Variants in CDS2 observed in about 807,000 individuals in gnomAD.
CDS2 encodes the protein CDP-diacylglycerol synthase 2, also known as phosphatidate cytidylyltransferase 2.
Under a neutral mutation model 59.0 loss-of-function variants are expected in CDS2, and 47 were observed. That is an observed-to-expected ratio of 0.80 (90% CI 0.63 to 1.02). The LOEUF (loss-of-function observed/expected upper bound fraction) is 1.02, where lower values mean the gene tolerates loss of function less well. CDS2 is among the 50% of genes least tolerant of loss of function. CDS2 has a pLI of 0.00. For missense variants in CDS2, 356 were observed against 558.9 expected, an observed-to-expected ratio of 0.64 and a Z score of 3.66; for synonymous variants, 207 against 206.4, an observed-to-expected ratio of 1.00 and a Z score of -0.02.
intron 3 of CDS2, chr20:5,175,522 T>A: frequency 2.6e-6 from 1 of 383,974 alleles, no homozygotes; most frequent in Non-Finnish European, 4.8e-6. Flanking sequence ...AAACTGACTT[T>A]ATTGCCTGTG....
chr20:5,186,841 T>C lies in CDS2; in HGVS notation c.981+2T>C. The C allele has an allele frequency of 1.2e-6, 2 of 1,614,044 alleles. No individual in the cohort carries two copies. The highest frequency in any genetic ancestry group is 1.7e-6 in the Non-Finnish European group (2 of 1,179,974). Reference sequence around the variant, plus strand: ...GTGATCCAGTCAGTCATTGGCTGGGTATGTGCCACTCACAGGGGGTGAGCG... The same window carrying C: ...GTGATCCAGTCAGTCATTGGCTGGGCATGTGCCACTCACAGGGGGTGAGCG... On this transcript the variant is annotated splice_donor_variant, in intron 10 of 12. Coordinates refer to ENST00000460006, the MANE Select transcript of CDS2 (RefSeq NM_003818.4). LOFTEE classifies it high-confidence loss of function.
At chr20:5,159,665 A>G (rs185818429) in intron 1 of CDS2, among the ~76,000 whole-genome samples, 294 of 152,276 alleles carry the variant, frequency 1.9e-3, no homozygotes, top group African/African-American at 6.3e-3. Context: ...CTTTTCCCCC[A>G]AAACAGATTT....
chr20:5,135,820 TA>T (rs1297183348), intron 1 of CDS2, among the ~76,000 whole-genome samples: 1 of 152,124 alleles, frequency 6.6e-6, no homozygotes, highest in East Asian at 1.9e-4. Flanking sequence ...CAGCAAAGGG[TA>T]TTCTGTGAAG....
chr20:5,176,390 TA>T (rs940966373), intron 3 of CDS2: 26,721 of 318,070 alleles, frequency 0.084, 3 homozygotes, highest in South Asian at 0.13. Context: ...AACCCTGTCT[TA>T]AAAAAAAAAA....
chr20:5,165,728 CA>C (rs1311982081), intron 1 of CDS2, among the ~76,000 whole-genome samples: 8 of 152,022 alleles, frequency 5.3e-5, no homozygotes, highest in African/African-American at 1.7e-4. Flanking sequence ...TAAGGAAGGA[CA>C]GGGGCCGCTG....
intron 1 of CDS2, among the ~76,000 whole-genome samples, chr20:5,141,636 G>A (rs371915440): frequency 4.7e-4 from 71 of 152,252 alleles, no homozygotes; most frequent in African/African-American, 1.6e-3. Context: ...GGTGGGGGGT[G>A]ATGGGGACTC....
At chr20:5,133,598 G>C (rs994379863) in intron 1 of CDS2, among the ~76,000 whole-genome samples, 4 of 152,198 alleles carry the variant, frequency 2.6e-5, no homozygotes, top group Admixed American at 2.0e-4. Flanking sequence ...TATAATCTCA[G>C]CTGACCGCAA....
rs368700421 is a variant in CDS2, at chr20:5,184,933, C to G, written c.747C>G (p.Thr249=). 16 of 1,611,784 alleles carry G rather than the reference C, an allele frequency of 9.9e-6. No individual in the cohort carries two copies. Among genetic ancestry groups the G allele is most frequent in the Non-Finnish European group, 1.4e-5 (16 of 1,178,228 alleles). ...AYMFGFFFGR[T]PLIKLSPKKT... The stretch of plus-strand genomic sequence containing the variant: ...TGTTTGGCTTTTTCTTTGGTCGGAC[C>G]CCACTCATCAAGGTAAATGGATTAC... The change falls in exon 8 of 13, where the codon ACC becomes ACG. Residue 249 remains threonine, a synonymous_variant. Transcript: ENST00000460006. The surrounding 1 kb of genome is among the most constrained non-coding windows in gnomAD (Gnocchi z 4.3).
At position 5,183,058 on chromosome 20, in the gene CDS2, C is replaced by A. The variant is rs547514410; in HGVS notation, c.589-3C>A. The A allele has an allele frequency of 6.2e-7, 1 of 1,612,114 alleles. No homozygotes were observed. The highest frequency in any genetic ancestry group is 2.2e-5 in the East Asian group (1 of 44,878). On this transcript the variant is annotated splice_region_variant and splice_polypyrimidine_tract_variant and intron_variant, in intron 6 of 12. Transcript: ENST00000460006. ...GTAGTGTTTATTTTTCTTTTTTTTG[C>A]AGTTTGGCTGGACCCATGTGACATT...
intron 1 of CDS2, among the ~76,000 whole-genome samples, chr20:5,153,934 C>T (rs73061802): frequency 0.013 from 1,948 of 152,280 alleles, 10 homozygotes; most frequent in Non-Finnish European, 0.02. Context: ...TGGCCTCCCC[C>T]TAATAGGATG....
chr20:5,135,339 G>A (rs531277579), intron 1 of CDS2, among the ~76,000 whole-genome samples: 60 of 152,140 alleles, frequency 3.9e-4, no homozygotes, highest in Non-Finnish European at 7.2e-4. Flanking sequence ...ATCCACGTAG[G>A]TGGAGGAGAT....
intron 1 of CDS2, among the ~76,000 whole-genome samples, chr20:5,150,807 C>T (rs1003336424): frequency 6.6e-6 from 1 of 152,230 alleles, no homozygotes; most frequent in African/African-American, 2.4e-5. Context: ...GCTGTCTCCT[C>T]AGCAGATGGT....
chr20:5,186,748 C>A lies in CDS2; in HGVS notation c.890C>A (p.Thr297Asn). Residue 297 changes from threonine to asparagine, a missense_variant, in exon 10 of 13, where the codon ACC (threonine) becomes AAC (asparagine). Around this residue, in one of 5 missense-constraint regions of CDS2, gnomAD observed 88 missense variants for 103.6 expected, o/e 0.85. Coordinates refer to ENST00000460006, the MANE Select transcript of CDS2 (RefSeq NM_003818.4). ...FVCPVEYNND[T>N]NSFTVDCEPS... Reference sequence around the variant, plus strand: ...TGCCCTGTGGAGTACAACAATGACACCAACAGCTTCACTGTGGACTGTGAG... The same window carrying A: ...TGCCCTGTGGAGTACAACAATGACAACAACAGCTTCACTGTGGACTGTGAG... The A allele has an allele frequency of 6.2e-7, 1 of 1,614,114 alleles. No individual in the cohort carries two copies. The highest frequency in any genetic ancestry group is 8.5e-7 in the Non-Finnish European group (1 of 1,179,986).
At chr20:5,187,027 T>A in intron 10 of CDS2, 188 bp downstream of exon 10, 1 of 578,760 alleles carries the variant, frequency 1.7e-6, no homozygotes, top group Non-Finnish European at 3.0e-6. Context: ...AACATCAGAT[T>A]GTTTAGACCA....
intron 1 of CDS2, among the ~76,000 whole-genome samples, chr20:5,157,215 T>A (rs2090840338): frequency 6.6e-6 from 1 of 152,170 alleles, no homozygotes; most frequent in South Asian, 2.1e-4. Context: ...AGTTAATCTT[T>A]CAGGAAACGG....
At chr20:5,183,886 C>T (rs1033987194) in intron 7 of CDS2, among the ~76,000 whole-genome samples, 5 of 152,174 alleles carry the variant, frequency 3.3e-5, no homozygotes, top group East Asian at 1.9e-4. Context: ...AGGGCGGGCG[C>T]GGTGGCTCAC....
intron 1 of CDS2, among the ~76,000 whole-genome samples, chr20:5,162,081 T>C (rs959044059): frequency 2.6e-5 from 4 of 152,164 alleles, no homozygotes; most frequent in African/African-American, 9.7e-5. Context: ...ATAAGTAGAC[T>C]GTACAAGCTG....
At chr20:5,143,787 CAG>C (rs1298796222) in intron 1 of CDS2, among the ~76,000 whole-genome samples, 4 of 138,462 alleles carry the variant, frequency 2.9e-5, no homozygotes, top group South Asian at 4.6e-4. Flanking sequence ...TTTTTTGAGA[CAG>C]AGTCTTGCTC....
chr20:5,188,843 C>T (rs2091090614), intron 10 of CDS2, among the ~76,000 whole-genome samples: 1 of 152,116 alleles, frequency 6.6e-6, no homozygotes, highest in Non-Finnish European at 1.5e-5. Flanking sequence ...AACCCATTCC[C>T]TCGGGATGCC....
Sources: gnomAD v4.1 joint callset for allele counts (sites outside exome capture counted in the v4.1 genomes callset) on GRCh38, gnomAD v4.1.1 for gene constraint, gnomAD v4.1.1 regional missense constraint, Gnocchi (gnomAD v3.1) non-coding constraint, MANE v1.5 for transcripts, NCBI Gene and HGNC (gene_info 2026-07-23, HGNC 2026-07-21) for gene names.